The following CFAP161 variants were observed in gnomAD, a reference collection of about 807,000 sequenced individuals.
CFAP161 encodes the protein cilia- and flagella-associated protein 161.
Under a neutral mutation model 29.0 loss-of-function variants are expected in CFAP161, and 25 were observed. That is an observed-to-expected ratio of 0.86 (90% confidence interval 0.63 to 1.20). CFAP161 has a LOEUF of 1.20. CFAP161 is among the 50% of genes most tolerant of loss of function. CFAP161 has a pLI of 0.00. For synonymous variants in CFAP161, 116 were observed against 137.4 expected (o/e 0.84, Z 1.09); for missense variants, 367 against 371.9 (o/e 0.99, Z 0.11).
At chr15:81,106,969 G>T (rs910806146) in intron 1 of CFAP161, among the ~76,000 whole-genome samples, 1 of 152,196 alleles carries the variant, frequency 6.6e-6, no homozygotes, top group Non-Finnish European at 1.5e-5. Context: ...AGGAGGCTGA[G>T]GTGGGAGGAT....
chr15:81,121,209 A>G (rs1324526824), intron 1 of CFAP161, among the ~76,000 whole-genome samples: 1 of 152,238 alleles, frequency 6.6e-6, no homozygotes, highest in Non-Finnish European at 1.5e-5. Flanking sequence ...GCATTTTCCT[A>G]TACTTCCTCT....
intron 5 of CFAP161, among the ~76,000 whole-genome samples, chr15:81,144,077 C>T (rs1445107034): frequency 4.6e-5 from 7 of 151,998 alleles, no homozygotes; most frequent in Non-Finnish European, 8.8e-5. Context: ...GTCTCTTTTC[C>T]GTTTGTAACA....
chr15:81,136,731 C>T lies in CFAP161; in HGVS notation c.375C>T (p.Asn125=), dbSNP rs1167465225. 1 of 1,613,440 alleles carries T rather than the reference C, an allele frequency of 6.2e-7. No individual in the cohort carries two copies. Among genetic ancestry groups the T allele is most frequent in the South Asian group, 1.1e-5 (1 of 91,022 alleles). The change falls in exon 3 of 7, where the codon AAC becomes AAT. Residue 125 remains asparagine (N), a synonymous_variant. Transcript: ENST00000286732. ...AVQAKTPIGR[N]TFIILSVHRD... ...AAGCCAAGACCCCAATTGGCAGAAA[C>T]ACTTTTATCATTTTGAGGTAAAGAG...
chr15:81,142,302 T>G (rs1055129565), intron 4 of CFAP161, among the ~76,000 whole-genome samples: 2 of 151,938 alleles, frequency 1.3e-5, no homozygotes, highest in Admixed American at 6.6e-5. Context: ...TTAAAATTTA[T>G]TATTATTATT....
At position 81,143,677 on chromosome 15, in the gene CFAP161, G is replaced by A; in HGVS notation, c.493G>A (p.Asp165Asn). 6.2e-7 allele frequency: 1 copy of A among 1,611,162 alleles called. No homozygotes were observed. The highest frequency in any genetic ancestry group is 8.5e-7 in the Non-Finnish European group (1 of 1,178,108). The change falls in exon 5 of 7, where the codon GAC becomes AAC. Residue 165 changes from aspartate to asparagine, a missense_variant. Physicochemically the swap from Asp to Asn is conservative, Grantham distance 23 (BLOSUM62 1). Coordinates refer to ENST00000286732, the MANE Select transcript of CFAP161 (RefSeq NM_173528.4). ...FDNKMLYLSS[D>N]HRTLLKSSKR... Reference sequence around the variant, plus strand: ...TCATTTTCAGTTGTATTTGTCAAGTGACCACAGGACCCTCCTGAAATCGTC... The same window carrying A: ...TCATTTTCAGTTGTATTTGTCAAGTAACCACAGGACCCTCCTGAAATCGTC...
intron 4 of CFAP161, among the ~76,000 whole-genome samples, chr15:81,142,406 A>C (rs957353022): frequency 6.6e-6 from 1 of 151,986 alleles, no homozygotes; most frequent in African/African-American, 2.4e-5. Context: ...CTTTGAATGA[A>C]GTTCTGCCTG....
intron 4 of CFAP161, among the ~76,000 whole-genome samples, chr15:81,143,205 C>T (rs1037149398): frequency 2.6e-5 from 4 of 151,750 alleles, no homozygotes; most frequent in African/African-American, 7.3e-5. Flanking sequence ...CCCAGCTACT[C>T]GGGAGGCTGA....
upstream of CFAP161, among the ~76,000 whole-genome samples, chr15:81,131,856 A>T (rs1894715211): frequency 6.6e-6 from 1 of 152,192 alleles, no homozygotes; most frequent in East Asian, 1.9e-4. Context: ...GGATAAAAGA[A>T]AAGAGGTCAA....
At chr15:81,141,575 G>T (rs1297604440) in intron 4 of CFAP161, among the ~76,000 whole-genome samples, 1 of 152,132 alleles carries the variant, frequency 6.6e-6, no homozygotes, top group African/African-American at 2.4e-5. Context: ...CCCTTCTGGG[G>T]CATTCATAGA....
At chr15:81,147,281 C>T (rs550982107) in intron 5 of CFAP161, among the ~76,000 whole-genome samples, 3 of 152,068 alleles carry the variant, frequency 2.0e-5, no homozygotes, top group Non-Finnish European at 4.4e-5. Context: ...TTTCTTTCTT[C>T]CTCTCCCCCC....
chr15:81,108,238 T>C (rs1198972050), intron 1 of CFAP161, among the ~76,000 whole-genome samples: 1 of 152,142 alleles, frequency 6.6e-6, no homozygotes, highest in Middle Eastern at 3.2e-3. Flanking sequence ...TGCAGAAAAA[T>C]AGAAATGGAC....
upstream of CFAP161, among the ~76,000 whole-genome samples, chr15:81,129,512 C>T (rs551889235): frequency 6.6e-6 from 1 of 152,280 alleles, no homozygotes; most frequent in East Asian, 1.9e-4. Flanking sequence ...GAGACTTATT[C>T]ACTACCACGA....
chr15:81,117,698 C>CTCTTCATCCTCA, intron 1 of CFAP161: 1 of 294,802 alleles, frequency 3.4e-6, no homozygotes, highest in Non-Finnish European at 6.8e-6. Flanking sequence ...TTTCTTCCTC[C>CTCTTCATCCTCA]TCTTCATCCT....
chr15:81,133,202 TATATATATATATATATA>T (rs1894738753), upstream of CFAP161, among the ~76,000 whole-genome samples: 9 of 67,234 alleles, frequency 1.3e-4, no homozygotes, highest in African/African-American at 4.4e-4. Context: ...TATATATATA[TATATATATATATATATA>T]TATATGTATT....
chr15:81,109,499 A>T (rs899699651), intron 1 of CFAP161, among the ~76,000 whole-genome samples: 1 of 152,164 alleles, frequency 6.6e-6, no homozygotes, highest in African/African-American at 2.4e-5. Flanking sequence ...TTAGAATTGT[A>T]TGTGCTCCAG....
At chr15:81,134,666 G>T (rs1894777390) in intron 1 of CFAP161, among the ~76,000 whole-genome samples, 1 of 152,078 alleles carries the variant, frequency 6.6e-6, no homozygotes, top group Non-Finnish European at 1.5e-5. Flanking sequence ...TGACTCTCAA[G>T]CCCCTGGCCT....
rs558094464 is a variant in CFAP161, at chr15:81,136,402, C to G, written c.160-114C>G. 913 of 903,996 alleles carry G rather than the reference C, an allele frequency of 1.0e-3. 4 individuals carry two copies. Among genetic ancestry groups the G allele is most frequent in the South Asian group, 2.0e-3 (124 of 61,602 alleles). The allele number at this position is 903,996 out of a possible 1,614,324, so 56.0% of individuals were successfully genotyped here. On this transcript the variant is annotated intron_variant, in intron 2 of 6. Transcript: ENST00000286732. ...GAAGGAACTAAGGGTTCGAGGGAAT[C>G]CAAGTGAAATCCTGAATGAAATGGG...
chr15:81,136,423 A>G, intron 2 of CFAP161, 93 bp from the exon 3 acceptor site: 1 of 1,076,230 alleles, frequency 9.3e-7, no homozygotes, highest in Non-Finnish European at 1.4e-6. Flanking sequence ...CCTGAATGAA[A>G]TGGGTACTAG....
At chr15:81,135,636 G>A (rs1267785137) in intron 2 of CFAP161, among the ~76,000 whole-genome samples, 2 of 151,458 alleles carry the variant, frequency 1.3e-5, no homozygotes, top group Non-Finnish European at 2.9e-5. Flanking sequence ...CTGTCCCTGC[G>A]ATAGTTTGCT....
Sources: gnomAD v4.1 joint callset for allele counts (sites outside exome capture counted in the v4.1 genomes callset) on GRCh38, gnomAD v4.1.1 for gene constraint, MANE v1.5 for transcripts, NCBI Gene and HGNC (gene_info 2026-07-23, HGNC 2026-07-21) for gene names.